Variants in RUFY3 observed in about 807,000 individuals in gnomAD.
The protein encoded by RUFY3 is RUN and FYVE domain containing 3, also known as protein RUFY3.
RUFY3 carries 34 observed loss-of-function variants against 84.0 expected under a neutral mutation model. That is an observed-to-expected ratio of 0.40 (90% CI 0.31 to 0.54). The LOEUF is 0.54. Among genes scored for constraint, RUFY3 ranks in the 20% least tolerant of loss-of-function variants. The pLI, the probability that RUFY3 is intolerant of heterozygous loss-of-function variation, is 0.39. For missense variants in RUFY3, 507 were observed against 736.8 expected, an observed-to-expected ratio of 0.69 and a Z score of 3.61; for synonymous variants, 242 against 252.9, an observed-to-expected ratio of 0.96 and a Z score of 0.41.
chr4:70,792,155 T>C (rs1730930136), intron 12 of RUFY3: 1 of 985,400 alleles, frequency 1.0e-6, no homozygotes, highest in Non-Finnish European at 1.2e-6. Context: ...GTACCCATTT[T>C]TCGTATCCTG....
At chr4:70,724,673 A>T (rs1021956045) in intron 1 of RUFY3, among the ~76,000 whole-genome samples, 25 of 152,328 alleles carry the variant, frequency 1.6e-4, no homozygotes, top group African/African-American at 5.8e-4. Context: ...AGAAATGCCG[A>T]CAGTGCATTT....
At chr4:70,758,033 T>C (rs1266347857) in intron 1 of RUFY3, among the ~76,000 whole-genome samples, 1 of 152,208 alleles carries the variant, frequency 6.6e-6, no homozygotes, top group Non-Finnish European at 1.5e-5. Flanking sequence ...GAATCTTTTT[T>C]TACTTTATAT....
At chr4:70,742,712 T>C (rs971896492) in intron 1 of RUFY3, among the ~76,000 whole-genome samples, 1 of 152,216 alleles carries the variant, frequency 6.6e-6, no homozygotes, top group African/African-American at 2.4e-5. Flanking sequence ...AACTTCTTGG[T>C]ATCCTTAATC....
At chr4:70,802,739 TAAGTC>T (rs1285693000) in intron 15 of RUFY3, 2 of 424,282 alleles carry the variant, frequency 4.7e-6, no homozygotes, top group Non-Finnish European at 8.3e-6. Flanking sequence ...CCTTATATAA[TAAGTC>T]AAGGGTCAGA....
intron 7 of RUFY3, among the ~76,000 whole-genome samples, chr4:70,775,526 C>T (rs537610083): frequency 2.6e-5 from 4 of 152,112 alleles, no homozygotes; most frequent in African/African-American, 9.6e-5. Flanking sequence ...TAAATACATT[C>T]AGTTAAGAAT....
rs747162254 is a variant in RUFY3 at position 70,762,455 on chromosome 4, T to TA, written c.179-63dup. On this transcript the variant is annotated intron_variant, in intron 1 of 17. Coordinates refer to ENST00000381006, the MANE Select transcript of RUFY3 (RefSeq NM_001037442.4). ...ACATGGTGGAGAAGAATACAACTAA[T>TA]ACTGAATTTTAAAATGTGCTATTTC... 3.6e-5 allele frequency: 52 copies of TA among 1,427,864 alleles called. 1 individual carries two copies. Among genetic ancestry groups the TA allele is most frequent in the Non-Finnish European group, 4.7e-5 (49 of 1,039,864 alleles). The allele number at this position is 1,427,864 out of a possible 1,614,324, so 88.4% of individuals were successfully genotyped here.
At chr4:70,711,510 C>T (rs1311920193) in intron 1 of RUFY3, among the ~76,000 whole-genome samples, 2 of 152,172 alleles carry the variant, frequency 1.3e-5, no homozygotes, top group Non-Finnish European at 2.9e-5. Context: ...TCAGTGTCCT[C>T]ATTTACCATT....
intron 1 of RUFY3, among the ~76,000 whole-genome samples, chr4:70,743,296 T>C (rs1721621101): frequency 1.3e-5 from 2 of 152,112 alleles, no homozygotes; most frequent in African/African-American, 2.4e-5. Context: ...GGTCTCGAAC[T>C]CCTGACCTCA....
chr4:70,785,929 T>C (rs74940740), intron 10 of RUFY3, among the ~76,000 whole-genome samples: 6,302 of 152,296 alleles, frequency 0.041, 297 homozygotes, highest in East Asian at 0.2. Flanking sequence ...GAAATCAGTA[T>C]GTCAGAGAGA....
chr4:70,806,731 C>T lies in RUFY3; in HGVS notation c.*72C>T. 6.4e-7 allele frequency: 1 copy of T among 1,552,982 alleles called. No homozygotes were observed. The highest frequency in any genetic ancestry group is 8.8e-7 in the Non-Finnish European group (1 of 1,135,612). On this transcript the variant is annotated 3_prime_UTR_variant, in exon 18 of 18. Coordinates refer to ENST00000381006, the MANE Select transcript of RUFY3 (RefSeq NM_001037442.4). ...GTACCTGTGTTTTAGCTGTCAGGAT[C>T]TCATAGAGCCCAGTTCTTAGAGTCA...
At chr4:70,714,189 A>T (rs910687319) in intron 1 of RUFY3, among the ~76,000 whole-genome samples, 1 of 152,004 alleles carries the variant, frequency 6.6e-6, no homozygotes, top group Non-Finnish European at 1.5e-5. Context: ...GCTATGTCAC[A>T]CTCTTTCATC....
At chr4:70,774,644 A>AAAAAAAATATATATAT (rs1553916771) in intron 6 of RUFY3, among the ~76,000 whole-genome samples, 2 of 56,680 alleles carry the variant, frequency 3.5e-5, no homozygotes, top group East Asian at 6.4e-4. Context: ...AAAAAAAAAA[A>AAAAAAAATATATATAT]ATATATATAT....
upstream of RUFY3, among the ~76,000 whole-genome samples, chr4:70,719,411 T>C (rs1323102715): frequency 6.6e-6 from 1 of 152,218 alleles, no homozygotes; most frequent in South Asian, 2.1e-4. Context: ...CTAGATCTGT[T>C]CAAGTTAGTA....
At chr4:70,774,614 C>CAAAAAAAA (rs1172638290) in intron 6 of RUFY3, among the ~76,000 whole-genome samples, 4 of 22,090 alleles carry the variant, frequency 1.8e-4, no homozygotes, top group South Asian at 3.6e-3. Context: ...GACTCTGCCT[C>CAAAAAAAA]AAAAAAAAAA....
chr4:70,773,491 C>A lies in RUFY3; in HGVS notation c.697-20C>A, dbSNP rs76427219. The A allele has an allele frequency of 6.3e-7, 1 of 1,582,508 alleles. No individual in the cohort carries two copies. Among genetic ancestry groups the A allele is most frequent in the East Asian group, 2.2e-5 (1 of 44,508 alleles). On this transcript the variant is annotated intron_variant, in intron 5 of 17. Coordinates refer to ENST00000381006, the MANE Select transcript of RUFY3 (RefSeq NM_001037442.4). ...AAGAATATCTAATTTTATATTAAAA[C>A]CTGAAAATTCTCTCTGTAGGTTGGA... is the stretch of plus-strand genomic sequence containing the variant.
At chr4:70,729,991 G>A (rs1190374103) in intron 1 of RUFY3, among the ~76,000 whole-genome samples, 7 of 141,672 alleles carry the variant, frequency 4.9e-5, no homozygotes, top group Non-Finnish European at 1.5e-5. Context: ...CTGGAACACA[G>A]TGGCGCAATC....
upstream of RUFY3, among the ~76,000 whole-genome samples, chr4:70,716,972 G>T (rs1741699660): frequency 6.6e-6 from 1 of 151,816 alleles, no homozygotes; most frequent in Non-Finnish European, 1.5e-5. Flanking sequence ...ATATTGCTTA[G>T]ACCTTCATAT....
chr4:70,787,187 A>AATATATAT (rs1202870337), intron 10 of RUFY3, among the ~76,000 whole-genome samples: 40 of 81,470 alleles, frequency 4.9e-4, no homozygotes, highest in African/African-American at 2.0e-3. Context: ...AAAAAAAAAA[A>AATATATAT]ATATATATAT....
At chr4:70,773,458 G>A (rs1727323932) in intron 5 of RUFY3, 53 bp from the exon 6 acceptor site, 8 of 1,276,454 alleles carry the variant, frequency 6.3e-6, no homozygotes, top group East Asian at 2.4e-5. Context: ...ATTGTGTTAT[G>A]CCTTGTAAAG....
Sources: gnomAD v4.1 joint callset for allele counts (sites outside exome capture counted in the v4.1 genomes callset) on GRCh38, gnomAD v4.1.1 for gene constraint, MANE v1.5 for transcripts, NCBI Gene and HGNC (gene_info 2026-07-23, HGNC 2026-07-21) for gene names.